Variants in LARGE1 observed in about 807,000 individuals in gnomAD.
LARGE1 encodes the protein LARGE xylosyl- and glucuronyltransferase 1.
LARGE1 carries 43 observed loss-of-function variants against 87.6 expected under a neutral mutation model. The ratio of observed to expected loss-of-function variants is 0.49; its 90% CI spans 0.38 to 0.63. LARGE1 has a LOEUF of 0.63. Ranked by LOEUF, LARGE1 falls within the 30% of genes least tolerant of loss-of-function variation. The pLI is 0.00. For synonymous variants in LARGE1, 434 were observed against 394.6 expected (o/e 1.10, Z -1.18); for missense variants, 802 against 1,000.2 (o/e 0.80, Z 2.67).
intron 1 of LARGE1, among the ~76,000 whole-genome samples, chr22:33,829,006 CTTTTTTTTTTTTTTT>C (rs776583343): frequency 1.1e-5 from 1 of 94,800 alleles, no homozygotes; most frequent in South Asian, 4.2e-4. Flanking sequence ...GTCTCTTTTT[CTTTTTTTTTTTTTTT>C]TTTTTTTGAG....
At chr22:33,130,098 A>G in the LARGE1 span, among the ~76,000 whole-genome samples, 1 of 151,984 alleles carries the variant, frequency 6.6e-6, no homozygotes, top group Non-Finnish European at 1.5e-5. Context: ...GCGGATCACA[A>G]GGTCAGGAGA....
rs551409427 is a variant in LARGE1, at chr22:33,663,449, T to G, written c.107-12781A>C. Reference sequence around the variant, plus strand: ...TACCACTATAAGGCAAAGTCAGGATTTTCCTCTGCAAGCTGAGAGGAATGA... The same window carrying G: ...TACCACTATAAGGCAAAGTCAGGATGTTCCTCTGCAAGCTGAGAGGAATGA... On this transcript the variant is annotated intron_variant, in intron 2 of 14. Transcript: ENST00000397394. Among the ~76,000 whole-genome samples the G allele has an allele frequency of 7.9e-5, 12 of 152,270 alleles. No individual in the cohort carries two copies. The South Asian group carries it at 2.5e-3, about 32-fold the overall frequency.
At chr22:33,477,371 A>G (rs1398189682) in intron 6 of LARGE1, among the ~76,000 whole-genome samples, 2 of 152,248 alleles carry the variant, frequency 1.3e-5, no homozygotes, top group African/African-American at 4.8e-5. Context: ...CTTGATAATT[A>G]TGCCGTCTAA....
At chr22:33,410,309 A>G (rs1249090292) in intron 7 of LARGE1, among the ~76,000 whole-genome samples, 2 of 152,100 alleles carry the variant, frequency 1.3e-5, no homozygotes, top group Non-Finnish European at 2.9e-5. Flanking sequence ...CCCAGAGCTA[A>G]GTAACTGCTT....
At chr22:33,487,385 A>G (rs975945893) in intron 6 of LARGE1, among the ~76,000 whole-genome samples, 9 of 152,196 alleles carry the variant, frequency 5.9e-5, no homozygotes, top group East Asian at 1.9e-4. Flanking sequence ...AAAATCACCA[A>G]TTCCTCTTGT....
At chr22:33,181,723 T>TA (rs999009565) in intron 11 of LARGE1, among the ~76,000 whole-genome samples, 3 of 151,272 alleles carry the variant, frequency 2.0e-5, no homozygotes, top group Non-Finnish European at 2.9e-5. Context: ...AGAGATGGAG[T>TA]TTCACCGTGT....
chr22:33,210,446 C>T (rs1322377290), intron 11 of LARGE1, among the ~76,000 whole-genome samples: 1 of 152,246 alleles, frequency 6.6e-6, no homozygotes, highest in Non-Finnish European at 1.5e-5. Flanking sequence ...CCATGGTCTC[C>T]TGTCCTCTGC....
chr22:33,196,383 C>T (rs1471971637), intron 11 of LARGE1, among the ~76,000 whole-genome samples: 1 of 152,014 alleles, frequency 6.6e-6, no homozygotes, highest in Non-Finnish European at 1.5e-5. Flanking sequence ...TTATGGCATT[C>T]AATTTAGTAA....
At chr22:33,109,524 G>T in the LARGE1 span, among the ~76,000 whole-genome samples, 1 of 152,102 alleles carries the variant, frequency 6.6e-6, no homozygotes. Flanking sequence ...CTGCCAAAAG[G>T]TCCAGCCAGA....
intron 7 of LARGE1, among the ~76,000 whole-genome samples, chr22:33,393,985 G>C (rs2065625958): frequency 1.3e-5 from 2 of 151,628 alleles, no homozygotes; most frequent in Admixed American, 1.3e-4. Context: ...CAGTAATCAA[G>C]ATGGCAGGGA....
chr22:33,777,177 C>A (rs542051559), intron 1 of LARGE1, among the ~76,000 whole-genome samples: 138 of 152,256 alleles, frequency 9.1e-4, no homozygotes, highest in African/African-American at 2.4e-3. Flanking sequence ...TGGAACCACA[C>A]AGTGTGGCAA....
Position 33,168,740 on chromosome 22 carries a change from T to G in LARGE1, c.1731-1908A>C, listed in dbSNP as rs182994846. Among the ~76,000 whole-genome samples, 259 of 152,354 alleles carry G rather than the reference T, an allele frequency of 1.7e-3. 1 individual carries two copies. Among genetic ancestry groups the G allele is most frequent in the Non-Finnish European group, 2.7e-3 (181 of 68,024 alleles). On this transcript the variant is annotated intron_variant, in intron 11 of 11. Coordinates refer to the LARGE1 transcript ENST00000608642. ...TTACCCTTATTTTGTTCTTTCTGCC[T>G]GGAATTCTTATGTTCCTGATCTTTG...
At chr22:33,513,409 T>C (rs1006249678) in intron 6 of LARGE1, among the ~76,000 whole-genome samples, 2 of 152,120 alleles carry the variant, frequency 1.3e-5, no homozygotes, top group African/African-American at 4.8e-5. Flanking sequence ...ATCAGTGCAT[T>C]ATTGAGCATA....
At chr22:33,086,956 G>A in the LARGE1 span, among the ~76,000 whole-genome samples, 1 of 152,166 alleles carries the variant, frequency 6.6e-6, no homozygotes, top group South Asian at 2.1e-4. Flanking sequence ...CAGGTGGCTA[G>A]TTCAGTTAAT....
chr22:33,476,702 G>A (rs187141175), intron 6 of LARGE1, among the ~76,000 whole-genome samples: 1 of 139,182 alleles, frequency 7.2e-6, no homozygotes, highest in Admixed American at 7.4e-5. Flanking sequence ...ACTGCACCCC[G>A]CCCCCCAGCC....
At chr22:33,632,042 A>T (rs893759248) in intron 3 of LARGE1, among the ~76,000 whole-genome samples, 18 of 152,304 alleles carry the variant, frequency 1.2e-4, no homozygotes, top group South Asian at 8.3e-4. Context: ...GTCCAGATGG[A>T]GGATGGAATG....
chr22:33,427,640 G>A (rs2066924896), intron 7 of LARGE1, among the ~76,000 whole-genome samples: 3 of 152,206 alleles, frequency 2.0e-5, no homozygotes, highest in African/African-American at 4.8e-5. Context: ...TGATGTCTGC[G>A]GTTGAATCTG....
At chr22:33,574,558 CA>C (rs1483351589) in intron 5 of LARGE1, among the ~76,000 whole-genome samples, 26 of 151,712 alleles carry the variant, frequency 1.7e-4, no homozygotes, top group Admixed American at 7.2e-4. Flanking sequence ...GGAGGGACAA[CA>C]ATCAGATAGA....
rs144239249 is a variant in LARGE1 at position 33,791,969 on chromosome 22, C to A, written c.-82-30411G>T. Among the ~76,000 whole-genome samples, 452 of 152,318 alleles carry A rather than the reference C, an allele frequency of 3.0e-3. 4 individuals carry two copies. Among genetic ancestry groups the A allele is most frequent in the African/African-American group, 0.01 (427 of 41,554 alleles). On this transcript the variant is annotated intron_variant, in intron 1 of 14. Transcript: ENST00000397394. ...TCGTTTACTACTCACAACAGCCCCACAGGGTAGGCTTTTTTATTATCTGTT... is the reference window on the plus strand; with the variant it reads ...TCGTTTACTACTCACAACAGCCCCAAAGGGTAGGCTTTTTTATTATCTGTT...
Sources: allele counts gnomAD v4.1 joint callset (sites outside exome capture counted in the v4.1 genomes callset), GRCh38; gene constraint gnomAD v4.1.1; transcripts MANE v1.5; gene names NCBI Gene and HGNC (gene_info 2026-07-23, HGNC 2026-07-21).